Variants in SENP7 observed in about 807,000 individuals in gnomAD.
The protein encoded by SENP7 is sentrin-specific protease 7.
SENP7 carries 64 observed loss-of-function variants against 141.2 expected under a neutral mutation model. The ratio of observed to expected loss-of-function variants is 0.45; its 90% CI spans 0.37 to 0.56. The LOEUF (loss-of-function observed/expected upper bound fraction) is 0.56, where lower values mean the gene tolerates loss of function less well. SENP7 is among the 20% of genes least tolerant of loss of function. The pLI is 0.00. For synonymous variants in SENP7, 382 were observed against 426.4 expected (o/e 0.90, Z 1.28); for missense variants, 1,025 against 1,212.2 (o/e 0.85, Z 2.29).
chr3:101,424,610 A>G (rs1330719409), intron 4 of SENP7, among the ~76,000 whole-genome samples: 1 of 152,032 alleles, frequency 6.6e-6, no homozygotes, highest in Admixed American at 6.5e-5. Context: ...CCTACAGCGC[A>G]CAGAGAAAGC....
chr3:101,434,046 C>T (rs1357623321), intron 4 of SENP7, among the ~76,000 whole-genome samples: 2 of 152,106 alleles, frequency 1.3e-5, no homozygotes, highest in African/African-American at 4.8e-5. Context: ...ATAAACGAGT[C>T]TTAAAACTTT....
Position 101,325,300 on chromosome 3 carries a change from G to GAA in SENP7, c.*641_*642dup, listed in dbSNP as rs34024627. 2.0e-3 allele frequency: 241 copies of GAA among 121,608 alleles called. 2 individuals carry two copies. Among genetic ancestry groups the GAA allele is most frequent in the African/African-American group, 5.6e-3 (195 of 34,726 alleles). 7.5% of individuals were successfully genotyped at this position (121,608 alleles called of 1,614,324 possible). ...ACTCACATATGACATCAAAAGAAAT[G>GAA]AAAAAAAAAAAGCAGAGTAATCGTA... On this transcript the variant is annotated 3_prime_UTR_variant, in exon 24 of 24. Coordinates refer to ENST00000394095, the MANE Select transcript of SENP7 (RefSeq NM_020654.5).
chr3:101,439,089 G>C (rs1262897292), intron 4 of SENP7, among the ~76,000 whole-genome samples: 1 of 124,332 alleles, frequency 8.0e-6, no homozygotes, highest in South Asian at 2.9e-4. Flanking sequence ...GAAGTGAGGA[G>C]CGCCTCTTCC....
chr3:101,497,774 G>C (rs1156507007), intron 2 of SENP7, among the ~76,000 whole-genome samples: 1 of 152,138 alleles, frequency 6.6e-6, no homozygotes, highest in Non-Finnish European at 1.5e-5. Flanking sequence ...GTAAGTAAGT[G>C]GGGGAAGAGG....
chr3:101,483,552 T>TA (rs1212834859), intron 3 of SENP7, among the ~76,000 whole-genome samples: 5 of 152,206 alleles, frequency 3.3e-5, no homozygotes, highest in African/African-American at 1.2e-4. Context: ...AATAGTACCC[T>TA]AAACCTCAGC....
chr3:101,355,128 T>G (rs949685536), intron 11 of SENP7, among the ~76,000 whole-genome samples: 25 of 152,214 alleles, frequency 1.6e-4, no homozygotes, highest in African/African-American at 5.3e-4. Flanking sequence ...CTTTGTCAGA[T>G]GCCTACTTTG....
chr3:101,481,203 C>A (rs1191736131), intron 3 of SENP7, among the ~76,000 whole-genome samples: 1 of 152,076 alleles, frequency 6.6e-6, no homozygotes, highest in Non-Finnish European at 1.5e-5. Context: ...TACTGCAGCA[C>A]TACTCACAAC....
chr3:101,453,034 C>T (rs1398290216), intron 4 of SENP7, among the ~76,000 whole-genome samples: 1 of 152,086 alleles, frequency 6.6e-6, no homozygotes, highest in Non-Finnish European at 1.5e-5. Flanking sequence ...AAACAAACAA[C>T]CCCATCAAAA....
intron 5 of SENP7, among the ~76,000 whole-genome samples, chr3:101,399,497 T>A (rs2061069780): frequency 6.6e-6 from 1 of 152,142 alleles, no homozygotes; most frequent in Admixed American, 6.6e-5. Context: ...AAATAATAAA[T>A]CCAACAAGAC....
chr3:101,438,188 C>T (rs2062464094), intron 4 of SENP7, among the ~76,000 whole-genome samples: 1 of 152,098 alleles, frequency 6.6e-6, no homozygotes, highest in Non-Finnish European at 1.5e-5. Flanking sequence ...AAACCAAGTG[C>T]CCACAGATGA....
intron 5 of SENP7, among the ~76,000 whole-genome samples, chr3:101,413,178 C>A (rs1244412754): frequency 2.6e-5 from 4 of 152,092 alleles, no homozygotes; most frequent in Non-Finnish European, 4.4e-5. Flanking sequence ...ATAAATGTTT[C>A]TCCCTCTTAT....
Position 101,340,150 on chromosome 3 carries a change from C to G in SENP7, c.2302G>C (p.Glu768Gln). 1 of 1,601,378 alleles carries G rather than the reference C, an allele frequency of 6.2e-7. No homozygotes were observed. Among genetic ancestry groups the G allele is most frequent in the Non-Finnish European group, 8.5e-7 (1 of 1,175,498 alleles). The change falls in exon 16 of 24, where the codon GAG becomes CAG. Residue 768 changes from glutamate (E) to glutamine (Q), a missense_variant. Glu to Gln is a conservative substitution (Grantham distance 29). Coordinates refer to ENST00000394095, the MANE Select transcript of SENP7 (RefSeq NM_020654.5). Reference sequence around the variant, plus strand: ...AGAAACTCTCCTTCTTCTAAACACTCCAGATCTTCATTAGTTACTCCTAAT... The same window carrying G: ...AGAAACTCTCCTTCTTCTAAACACTGCAGATCTTCATTAGTTACTCCTAAT... Reference protein sequence around the residue: ...GGLGVTNEDLECLEEGEFLND... With the variant: ...GGLGVTNEDLQCLEEGEFLND...
At chr3:101,400,801 A>G (rs1429165427) in intron 5 of SENP7, among the ~76,000 whole-genome samples, 1 of 152,008 alleles carries the variant, frequency 6.6e-6, no homozygotes, top group African/African-American at 2.4e-5. Flanking sequence ...CTTTAAATCA[A>G]AAGCTAGAAA....
intron 5 of SENP7, among the ~76,000 whole-genome samples, chr3:101,416,870 T>C (rs1041802603): frequency 4.6e-5 from 7 of 152,168 alleles, no homozygotes; most frequent in Non-Finnish European, 1.0e-4. Context: ...GTCTCGCTAA[T>C]TGTAAGTTAT....
chr3:101,342,498 C>T (rs1559691978), intron 14 of SENP7, among the ~76,000 whole-genome samples: 1 of 152,122 alleles, frequency 6.6e-6, no homozygotes, highest in Non-Finnish European at 1.5e-5. Context: ...CCAAATTCCC[C>T]TAATCTTATC....
At chr3:101,508,554 G>A (rs563205943) in intron 1 of SENP7, among the ~76,000 whole-genome samples, 382 of 151,928 alleles carry the variant, frequency 2.5e-3, no homozygotes, top group African/African-American at 9.0e-3. Flanking sequence ...AGCCGAGATC[G>A]TGCCACTGCA....
intron 3 of SENP7, among the ~76,000 whole-genome samples, chr3:101,484,567 C>T (rs748258456): frequency 4.6e-5 from 7 of 152,136 alleles, no homozygotes; most frequent in Non-Finnish European, 8.8e-5. Flanking sequence ...GCCCCAACTG[C>T]GGAAGTGGGA....
At chr3:101,329,665 C>T (rs563641891) in intron 20 of SENP7, among the ~76,000 whole-genome samples, 68 of 150,846 alleles carry the variant, frequency 4.5e-4, no homozygotes, top group Non-Finnish European at 8.6e-4. Context: ...TGGCCGGGCT[C>T]GGTGGCTCAC....
intron 17 of SENP7, among the ~76,000 whole-genome samples, chr3:101,336,264 T>G (rs1369565643): frequency 6.6e-6 from 1 of 152,188 alleles, no homozygotes; most frequent in African/African-American, 2.4e-5. Flanking sequence ...TATTAATTAG[T>G]GTCCCTATTC....
Sources: gnomAD v4.1 joint callset for allele counts (sites outside exome capture counted in the v4.1 genomes callset) on GRCh38, gnomAD v4.1.1 for gene constraint, MANE v1.5 for transcripts, NCBI Gene and HGNC (gene_info 2026-07-23, HGNC 2026-07-21) for gene names.